Variants in CIP2A observed in about 807,000 individuals in gnomAD.
CIP2A encodes the protein cellular inhibitor of PP2A.
Under a neutral mutation model 110.9 loss-of-function variants are expected in CIP2A, and 103 were observed. The ratio of observed to expected loss-of-function variants is 0.93; its 90% CI spans 0.79 to 1.09. The LOEUF is 1.09. Ranked by LOEUF, CIP2A falls within the 50% of genes least tolerant of loss-of-function variation. The pLI is 0.00. For synonymous variants in CIP2A, 381 were observed against 361.6 expected, an observed-to-expected ratio of 1.05 and a Z score of -0.61; for missense variants, 1,088 against 1,038.4, an observed-to-expected ratio of 1.05 and a Z score of -0.66.
intron 12 of CIP2A, 41 bp from the exon 13 acceptor site, chr3:108,563,285 TAAAC>T (rs763068779): frequency 8.4e-7 from 1 of 1,184,370 alleles, no homozygotes; most frequent in Non-Finnish European, 1.3e-6. Flanking sequence ...GCAGAAAGAA[TAAAC>T]AATGTCAGCT....
intron 1 of CIP2A, 64 bp from the exon 2 acceptor site, chr3:108,585,276 A>C: frequency 1.4e-6 from 2 of 1,449,554 alleles, no homozygotes; most frequent in Middle Eastern, 4.7e-4. Context: ...TCTCCATTTC[A>C]AATAAAAAAC....
intron 8 of CIP2A, 49 bp downstream of exon 8, chr3:108,576,222 C>A: frequency 1.7e-6 from 2 of 1,201,046 alleles, no homozygotes; most frequent in South Asian, 2.9e-5. Context: ...AAAGTTTCGG[C>A]ATTTTGCAGT....
chr3:108,583,811 T>C (rs1938962993), intron 2 of CIP2A, among the ~76,000 whole-genome samples: 1 of 152,212 alleles, frequency 6.6e-6, no homozygotes, highest in Non-Finnish European at 1.5e-5. Flanking sequence ...GTGATGGATA[T>C]CCTAAATACC....
chr3:108,585,905 T>TACACAC lies in CIP2A; in HGVS notation c.103-699_103-694dup, dbSNP rs112253293. 1,083 of 378,868 alleles carry TACACAC rather than the reference T, an allele frequency of 2.9e-3. 9 individuals are homozygous for TACACAC. The highest frequency in any genetic ancestry group is 0.021 in the African/African-American group (1,004 of 46,820). 23.5% of individuals were successfully genotyped at this position (378,868 alleles called of 1,614,324 possible). ...ATACACGCATGCACAGACACATACA[T>TACACAC]ACACACACACACACACAGAGTGAAA... is the stretch of plus-strand genomic sequence containing the variant. On this transcript the variant is annotated intron_variant, in intron 1 of 20. Coordinates refer to ENST00000295746, the MANE Select transcript of CIP2A (RefSeq NM_020890.3).
At chr3:108,552,496 T>A in intron 19 of CIP2A, 123 bp from the exon 20 acceptor site, 1 of 518,904 alleles carries the variant, frequency 1.9e-6, no homozygotes, top group Non-Finnish European at 3.2e-6. Context: ...AAACTTCTCT[T>A]ATGACAGTAT....
chr3:108,581,493 C>T lies in CIP2A; in HGVS notation c.471G>A (p.Glu157=), dbSNP rs1444758837. 1.2e-6 allele frequency: 2 copies of T among 1,610,548 alleles called. No individual in the cohort carries two copies. Among genetic ancestry groups the T allele is most frequent in the East Asian group, 4.5e-5 (2 of 44,780 alleles). The part of the protein sequence containing the change: ...LIDHIQSSED[E]LKMPCLGLLA... ...ATAATCCTAGACAAGGCATTTTTAA[C>T]TCATCTTCAGAAGATTGACTGTTGT... The change falls in exon 5 of 21, where the codon GAG becomes GAA. Residue 157 remains glutamate (E), a synonymous_variant. Coordinates refer to ENST00000295746, the MANE Select transcript of CIP2A (RefSeq NM_020890.3).
intron 8 of CIP2A, among the ~76,000 whole-genome samples, chr3:108,575,832 G>A (rs2969897): frequency 0.74 from 15,314 of 20,828 alleles, 7,239 homozygotes; most frequent in East Asian, 0.95. Context: ...GTGTATATAC[G>A]TGTATATATA....
chr3:108,560,873 T>A (rs188680617), intron 13 of CIP2A, 32 bp from the exon 14 acceptor site: 25 of 1,421,172 alleles, frequency 1.8e-5, no homozygotes, highest in Admixed American at 2.4e-5. Flanking sequence ...GAAAAAAAAA[T>A]TATACGAAAA....
At chr3:108,553,901 A>C (rs1425706373) in intron 18 of CIP2A, among the ~76,000 whole-genome samples, 171 bp from the exon 19 acceptor site, 8 of 120,926 alleles carry the variant, frequency 6.6e-5, no homozygotes, top group Middle Eastern at 3.5e-3. Flanking sequence ...AAATATAAAA[A>C]AAAAAAAAAA....
intron 3 of CIP2A, 28 bp from the exon 4 acceptor site, chr3:108,582,230 TA>T: frequency 1.0e-6 from 1 of 953,558 alleles, no homozygotes; most frequent in South Asian, 1.7e-5. Flanking sequence ...GTTATAAATA[TA>T]AAGATATAAA....
intron 11 of CIP2A, 38 bp downstream of exon 11, chr3:108,566,459 C>A: frequency 6.4e-7 from 1 of 1,551,824 alleles, no homozygotes; most frequent in Admixed American, 2.0e-5. Context: ...CGATTTTTTA[C>A]TGCCTTGCCA....
In CIP2A at chr3:108,582,137, A is replaced by G. The variant is rs1175674296; in HGVS notation, c.423T>C (p.Asp141=). Reference sequence around the variant, plus strand: ...GATCTATCAGGAACGTAATTAATTCATCTATATTGGCACCAGAATAGAAAA... The same window carrying G: ...GATCTATCAGGAACGTAATTAATTCGTCTATATTGGCACCAGAATAGAAAA... ...VKIFYSGANI[D]ELITFLIDHI... Residue 141 remains aspartate (D), a synonymous_variant, in exon 4 of 21, where the codon GAT becomes GAC. Coordinates refer to ENST00000295746, the MANE Select transcript of CIP2A (RefSeq NM_020890.3). 2.0e-6 allele frequency: 3 copies of G among 1,501,262 alleles called. No individual in the cohort carries two copies. Among genetic ancestry groups the G allele is most frequent in the East Asian group, 2.3e-5 (1 of 43,410 alleles). The allele number at this position is 1,501,262 out of a possible 1,614,324, so 93.0% of individuals were successfully genotyped here.
At chr3:108,582,300 T>G in intron 3 of CIP2A, 98 bp from the exon 4 acceptor site, 1 of 485,624 alleles carries the variant, frequency 2.1e-6, no homozygotes, top group Non-Finnish European at 3.6e-6. Context: ...TCCTTTTCCA[T>G]TTCCTAAAAC....
chr3:108,582,905 A>C (rs912210129), intron 3 of CIP2A, 72 bp downstream of exon 3: 13 of 842,212 alleles, frequency 1.5e-5, no homozygotes, highest in Admixed American at 1.5e-4. Flanking sequence ...GTAAGTCAGC[A>C]GTTTATGACA....
At chr3:108,563,646 C>T (rs1456671365) in intron 12 of CIP2A, among the ~76,000 whole-genome samples, 1 of 151,876 alleles carries the variant, frequency 6.6e-6, no homozygotes, top group Non-Finnish European at 1.5e-5. Flanking sequence ...AAGTAAAATT[C>T]AAATTAAATT....
chr3:108,589,235 G>A lies in CIP2A; in HGVS notation c.102+39C>T, dbSNP rs767303126. 9 of 1,476,682 alleles carry A rather than the reference G, an allele frequency of 6.1e-6. No homozygotes were observed. The South Asian group carries it at 8.0e-5, about 13-fold the overall frequency. 91.5% of individuals were successfully genotyped at this position (1,476,682 alleles called of 1,614,324 possible). Reference sequence around the variant, plus strand: ...CCTCACTGTGAAATAAGAATTGCTAGGGGAAGCCCCATCTGTCCTCTACCC... The same window carrying A: ...CCTCACTGTGAAATAAGAATTGCTAAGGGAAGCCCCATCTGTCCTCTACCC... On this transcript the variant is annotated intron_variant, in intron 1 of 20. Transcript: ENST00000295746.
At chr3:108,561,193 T>C (rs922794344) in intron 13 of CIP2A, among the ~76,000 whole-genome samples, 30 of 152,144 alleles carry the variant, frequency 2.0e-4, no homozygotes, top group Non-Finnish European at 3.7e-4. Context: ...CCTTAGTCCT[T>C]TTCCTTTCTC....
intron 14 of CIP2A, 76 bp from the exon 15 acceptor site, chr3:108,560,104 A>G (rs575918934): frequency 8.0e-5 from 62 of 778,148 alleles, no homozygotes; most frequent in Non-Finnish European, 1.2e-4. Context: ...TGCCTACTTC[A>G]AAACTAAATC....
chr3:108,584,925 C>T, intron 2 of CIP2A, 140 bp downstream of exon 2: 1 of 638,544 alleles, frequency 1.6e-6, no homozygotes, highest in Non-Finnish European at 2.5e-6. Flanking sequence ...TCCTCAGTGT[C>T]AAAAGATTCA....
Sources: gnomAD v4.1 joint callset for allele counts (sites outside exome capture counted in the v4.1 genomes callset) on GRCh38, gnomAD v4.1.1 for gene constraint, MANE v1.5 for transcripts, NCBI Gene and HGNC (gene_info 2026-07-23, HGNC 2026-07-21) for gene names.